APBA1: variants seen among roughly 807,000 people sequenced by gnomAD.
The protein encoded by APBA1 is amyloid beta precursor protein binding family A member 1.
In APBA1, 55 loss-of-function variants were observed where a neutral mutation model predicts 86.6. The ratio of observed to expected loss-of-function variants is 0.64; its 90% CI spans 0.51 to 0.80. APBA1 has a LOEUF of 0.80. Among genes scored for constraint, APBA1 ranks in the 30% least tolerant of loss-of-function variants. APBA1 has a pLI of 0.00. For synonymous variants in APBA1, 511 were observed against 493.9 expected (o/e 1.03, Z -0.46); for missense variants, 1,090 against 1,183.0 (o/e 0.92, Z 1.15).
upstream of APBA1, chr9:69,672,874 G>T (rs4744931): frequency 0.8 from 122,113 of 152,266 alleles, 50,983 homozygotes; most frequent in East Asian, 0.97. Flanking sequence ...AACGGGCCAC[G>T]CTGCAGGACC....
chr9:69,531,540 C>T (rs1836433880), intron 1 of APBA1, among the ~76,000 whole-genome samples: 1 of 152,150 alleles, frequency 6.6e-6, no homozygotes, highest in Admixed American at 6.5e-5. Context: ...TGCTCCTTCC[C>T]CTCTCCAGCA....
chr9:69,533,120 C>T (rs1463331144), intron 1 of APBA1, among the ~76,000 whole-genome samples: 1 of 152,016 alleles, frequency 6.6e-6, no homozygotes, highest in Non-Finnish European at 1.5e-5. Flanking sequence ...AAAGAACTGC[C>T]CTGATCCATT....
chr9:69,662,021 A>AACACACACACACACACACACACAC (rs3069250), intron 1 of APBA1, among the ~76,000 whole-genome samples: 18 of 146,650 alleles, frequency 1.2e-4, no homozygotes, highest in African/African-American at 4.6e-4. Context: ...GACAAACAGT[A>AACACACACACACACACACACACAC]ACACACACAC....
chr9:69,611,285 G>GAAAAAAAAAAAAGAA (rs1822581415), intron 1 of APBA1, among the ~76,000 whole-genome samples: 1 of 111,910 alleles, frequency 8.9e-6, no homozygotes, highest in Non-Finnish European at 1.8e-5. Flanking sequence ...ACCAGAAAAG[G>GAAAAAAAAAAAAGAA]AAAAAAAAAA....
chr9:69,558,561 C>CACATAT lies in APBA1; in HGVS notation c.-69-41283_-69-41282insATATGT, dbSNP rs1554701130. ...ACACACACATACACACACACACACA[C>CACATAT]ATATATATATATATATATATACACA... On this transcript the variant is annotated intron_variant, in intron 1 of 12. Transcript: ENST00000265381. Among the ~76,000 whole-genome samples the CACATAT allele has an allele frequency of 1.3e-3, 191 of 142,848 alleles. 1 individual carries two copies. Among genetic ancestry groups the CACATAT allele is most frequent in the African/African-American group, 5.1e-3 (184 of 35,898 alleles). 93.7% of individuals were successfully genotyped at this position (142,848 alleles called of 152,430 possible).
At chr9:69,455,751 C>T (rs1326585796) in intron 8 of APBA1, among the ~76,000 whole-genome samples, 1 of 152,146 alleles carries the variant, frequency 6.6e-6, no homozygotes, top group Non-Finnish European at 1.5e-5. Flanking sequence ...CAAACCCCTA[C>T]AGGAGGTGCC....
At chr9:69,455,358 C>T (rs118012267) in intron 8 of APBA1, among the ~76,000 whole-genome samples, 12 of 152,140 alleles carry the variant, frequency 7.9e-5, no homozygotes, top group East Asian at 1.9e-4. Flanking sequence ...CCCTGGGAGG[C>T]GGCTTCTGAG....
At chr9:69,515,689 C>A (rs1836124611) in intron 2 of APBA1, among the ~76,000 whole-genome samples, 1 of 6,622 alleles carries the variant, frequency 1.5e-4, no homozygotes, top group Non-Finnish European at 3.1e-4. Context: ...GAATCAGAAA[C>A]TGGGGGGGGG....
At chr9:69,607,164 A>G (rs1822492536) in intron 1 of APBA1, among the ~76,000 whole-genome samples, 1 of 152,206 alleles carries the variant, frequency 6.6e-6, no homozygotes, top group Non-Finnish European at 1.5e-5. Context: ...AGACATACCC[A>G]AGACTGGGTA....
chr9:69,475,884 T>C (rs1835436340), intron 3 of APBA1, among the ~76,000 whole-genome samples, 164 bp downstream of exon 3: 1 of 152,216 alleles, frequency 6.6e-6, no homozygotes, highest in Non-Finnish European at 1.5e-5. Flanking sequence ...CTGGATGACA[T>C]GGCTTTAACA....
rs1836039617 is a variant in APBA1, at chr9:69,511,497, T to C, written c.1200+4514A>G. On this transcript the variant is annotated intron_variant, in intron 2 of 12. Coordinates refer to ENST00000265381, the MANE Select transcript of APBA1 (RefSeq NM_001163.4). ...GTGGTACTGTAAACTAGTTCAACCA[T>C]TGTGGAAGTCAGTGTGGCGATTCCT... is the stretch of plus-strand genomic sequence containing the variant. Among the ~76,000 whole-genome samples the C allele has an allele frequency of 3.9e-5, 6 of 152,146 alleles. No individual in the cohort carries two copies. In the South Asian group the frequency reaches 1.2e-3, roughly 32 times the overall value.
At chr9:69,567,389 T>G (rs548743250) in intron 1 of APBA1, among the ~76,000 whole-genome samples, 5 of 152,294 alleles carry the variant, frequency 3.3e-5, no homozygotes, top group Non-Finnish European at 7.4e-5. Context: ...GAATTCTTTT[T>G]TTTCCTTTCT....
intron 1 of APBA1, among the ~76,000 whole-genome samples, chr9:69,665,941 G>T (rs1305002537): frequency 1.3e-5 from 2 of 152,126 alleles, no homozygotes; most frequent in Admixed American, 6.5e-5. Flanking sequence ...TCGCCATGTT[G>T]GCCAGGCTGC....
intron 1 of APBA1, among the ~76,000 whole-genome samples, chr9:69,635,171 C>T (rs1204428647): frequency 2.0e-5 from 3 of 151,942 alleles, no homozygotes; most frequent in Non-Finnish European, 2.9e-5. Context: ...CTTTTCAAGA[C>T]ATAGTACAAT....
At chr9:69,483,688 G>A (rs1835560345) in intron 2 of APBA1, among the ~76,000 whole-genome samples, 2 of 152,082 alleles carry the variant, frequency 1.3e-5, no homozygotes, top group African/African-American at 4.8e-5. Context: ...TGTTTCTTGT[G>A]ATCCCATACA....
chr9:69,555,142 A>T (rs564478732), intron 1 of APBA1, among the ~76,000 whole-genome samples: 7 of 152,350 alleles, frequency 4.6e-5, no homozygotes, highest in African/African-American at 1.7e-4. Context: ...TCCAAAGAGT[A>T]GTAGATTATT....
chr9:69,469,235 C>CA (rs1835328477), intron 4 of APBA1, among the ~76,000 whole-genome samples: 1 of 152,208 alleles, frequency 6.6e-6, no homozygotes, highest in African/African-American at 2.4e-5. Flanking sequence ...GTTAAAACCT[C>CA]AGGGTCTTAA....
intron 5 of APBA1, among the ~76,000 whole-genome samples, chr9:69,467,513 A>G: frequency 6.6e-6 from 1 of 152,180 alleles, no homozygotes; most frequent in East Asian, 1.9e-4. Flanking sequence ...CATGTCTTGC[A>G]CTTGAGACAT....
intron 1 of APBA1, among the ~76,000 whole-genome samples, chr9:69,565,310 C>A (rs774867226): frequency 1.3e-5 from 2 of 152,066 alleles, no homozygotes; most frequent in Non-Finnish European, 2.9e-5. Context: ...CCTCCACATG[C>A]CACAGCCAGT....
Sources: allele counts gnomAD v4.1 joint callset (sites outside exome capture counted in the v4.1 genomes callset), GRCh38; gene constraint gnomAD v4.1.1; transcripts MANE v1.5; gene names NCBI Gene and HGNC (gene_info 2026-07-23, HGNC 2026-07-21).